Variants in FBRS observed in about 807,000 individuals in gnomAD.
FBRS encodes the protein fibrosin.
FBRS carries 15 observed loss-of-function variants against 86.1 expected under a neutral mutation model. The observed-to-expected ratio is 0.17, with a 90% CI of 0.12 to 0.27. The LOEUF (loss-of-function observed/expected upper bound fraction) is 0.27, where lower values mean the gene tolerates loss of function less well. FBRS is among the 10% of genes least tolerant of loss of function. FBRS has a pLI of 1.00. For synonymous variants in FBRS, 666 were observed against 575.8 expected, an observed-to-expected ratio of 1.16 and a Z score of -2.24; for missense variants, 1,367 against 1,301.6, an observed-to-expected ratio of 1.05 and a Z score of -0.77.
intron 4 of FBRS, among the ~76,000 whole-genome samples, 182 bp downstream of exon 4, chr16:30,661,515 C>G (rs954606888): frequency 6.6e-6 from 1 of 152,084 alleles, no homozygotes; most frequent in Non-Finnish European, 1.5e-5. Context: ...GTCATTTTTT[C>G]TTTTGGTGAC....
rs375695552 is a variant in FBRS, at chr16:30,661,541, C to T, written c.705+208C>T. Among the ~76,000 whole-genome samples the T allele has an allele frequency of 4.3e-4, 65 of 152,150 alleles. No homozygotes were observed. The East Asian group carries it at 6.8e-3, about 16-fold the overall frequency. ...TTTTGGTGACTAGGGGTTAGCTGAC[C>T]AAGGAATGGAGGGTCCATGCTTTGG... On this transcript the variant is annotated intron_variant, in intron 4 of 17. Transcript: ENST00000356166.
At position 30,664,330 on chromosome 16, in the gene FBRS, C is replaced by A; in HGVS notation, c.1171C>A (p.His391Asn). ...SASSSSAQLT[H>N]RPPTPSLPLP... is the part of the protein sequence containing the mutation. ...CTCCTCCTCGTCCGCGCAGCTCACC[C>A]ACCGGCCCCCGACGCCCTCACTGCC... The change falls in exon 7 of 18, where the codon CAC (histidine) becomes AAC (asparagine). Residue 391 changes from histidine to asparagine, a missense_variant. His to Asn is a moderately conservative substitution (Grantham distance 68). Coordinates refer to ENST00000356166, the MANE Select transcript of FBRS (RefSeq NM_001105079.3). The A allele has an allele frequency of 6.5e-7, 1 of 1,544,480 alleles. No individual in the cohort carries two copies. Among genetic ancestry groups the A allele is most frequent in the Non-Finnish European group, 8.8e-7 (1 of 1,142,812 alleles).
chr16:30,662,228 C>G, intron 4 of FBRS, 192 bp from the exon 5 acceptor site: 1 of 811,516 alleles, frequency 1.2e-6, no homozygotes, highest in Non-Finnish European at 1.9e-6. Flanking sequence ...TTCTTGGGGT[C>G]AGCTGCTCCA....
intron 13 of FBRS, 74 bp downstream of exon 13, chr16:30,667,064 A>C: frequency 1.4e-6 from 2 of 1,420,060 alleles, no homozygotes; most frequent in Non-Finnish European, 1.9e-6. Flanking sequence ...ATTGGCCCTC[A>C]ACAGAGCTCA....
rs2052508137 is a variant in FBRS, at chr16:30,665,142, G to C, written c.1608+63G>C. 6.3e-7 allele frequency: 1 copy of C among 1,584,428 alleles called. No homozygotes were observed. The highest frequency in any genetic ancestry group is 8.6e-7 in the Non-Finnish European group (1 of 1,165,884). ...TGTGGGCGTGGATGCATCCATGCTTGTGACCCTGACTGCTGGGGTCCAGTC... is the reference window on the plus strand; with the variant it reads ...TGTGGGCGTGGATGCATCCATGCTTCTGACCCTGACTGCTGGGGTCCAGTC... On this transcript the variant is annotated intron_variant, in intron 9 of 17. Transcript: ENST00000356166. The surrounding 1 kb of genome is among the most constrained non-coding windows in gnomAD (Gnocchi z 4.1).
chr16:30,665,640 C>T lies in FBRS; in HGVS notation c.1707C>T (p.Ser569=), dbSNP rs560818533. Residue 569 remains serine, a splice_region_variant and synonymous_variant, in exon 11 of 18, where the codon AGC becomes AGT. Transcript: ENST00000356166. This position sits in a 1 kb window ranked among gnomAD's most constrained non-coding sequence, Gnocchi z 4.1. ...GSLQGAFQPK[S]TNPELPPRLG... ...ATCCCTCCACTCCCCTTTCCCAGAG[C>T]ACGAACCCTGAGCTGCCACCACGAC... The T allele has an allele frequency of 6.9e-6, 11 of 1,586,798 alleles. No homozygotes were observed. The highest frequency in any genetic ancestry group is 1.8e-5 in the Admixed American group (1 of 55,626).
Position 30,669,051 on chromosome 16 carries a change from C to T in FBRS, c.2367-18C>T. The stretch of plus-strand genomic sequence containing the variant: ...TGCCCCTGGAGAACTTCATTCTCTC[C>T]CCACGCCTGCCCTCCAGGGACCTCC... On this transcript the variant is annotated intron_variant, in intron 17 of 17. Transcript: ENST00000356166. The surrounding 1 kb of genome is among the most constrained non-coding windows in gnomAD (Gnocchi z 5.9). 6.5e-7 allele frequency: 1 copy of T among 1,549,252 alleles called. No homozygotes were observed. Among genetic ancestry groups the T allele is most frequent in the Non-Finnish European group, 8.7e-7 (1 of 1,144,150 alleles).
At chr16:30,666,441 G>A in intron 11 of FBRS, 71 bp from the exon 12 acceptor site, 2 of 1,593,792 alleles carry the variant, frequency 1.3e-6, no homozygotes, top group South Asian at 1.1e-5. Flanking sequence ...AGTGGATGCT[G>A]TGGAGATGCG....
chr16:30,664,788 A>C lies in FBRS; in HGVS notation c.1431A>C (p.Ala477=). The change falls in exon 8 of 18, where the codon GCA becomes GCC. Residue 477 remains alanine, a synonymous_variant. Coordinates refer to ENST00000356166, the MANE Select transcript of FBRS (RefSeq NM_001105079.3). ...NAQGGPEVVG[A]GGSARPLAFQ... is the part of the protein sequence containing the mutation. ...AGGGTGGCCCTGAGGTGGTGGGGGC[A>C]GGGGGCTCGGCCCGGCCCCTGGCCT... 6.4e-7 allele frequency: 1 copy of C among 1,553,796 alleles called. No homozygotes were observed. Among genetic ancestry groups the C allele is most frequent in the East Asian group, 2.4e-5 (1 of 40,956 alleles).
At position 30,669,385 on chromosome 16, in the gene FBRS, C is replaced by A; in HGVS notation, c.2683C>A (p.Pro895Thr). Residue 895 changes from proline to threonine, a missense_variant, in exon 18 of 18, where the codon CCC becomes ACC. By Grantham distance (38) the Pro-to-Thr change is conservative. Around this residue, in one of 3 missense-constraint regions of FBRS, gnomAD observed 659 missense variants for 678.8 expected, o/e 0.97. Coordinates refer to ENST00000356166, the MANE Select transcript of FBRS (RefSeq NM_001105079.3). The surrounding 1 kb of genome is among the most constrained non-coding windows in gnomAD (Gnocchi z 5.9). Reference sequence around the variant, plus strand: ...AGCACCCCCACGCCTGGCAAGGCCACCCCGCTTCTATGAGGCGGGTGAGGA... The same window carrying A: ...AGCACCCCCACGCCTGGCAAGGCCAACCCGCTTCTATGAGGCGGGTGAGGA... ...LAAPPRLARP[P>T]RFYEAGEELT... The A allele has an allele frequency of 6.2e-7, 1 of 1,612,804 alleles. No individual in the cohort carries two copies. The highest frequency in any genetic ancestry group is 8.5e-7 in the Non-Finnish European group (1 of 1,179,768).
chr16:30,659,867 G>A lies in FBRS; in HGVS notation c.349G>A (p.Gly117Ser), dbSNP rs2052435099. 6.5e-7 allele frequency: 1 copy of A among 1,543,112 alleles called. No individual in the cohort carries two copies. The highest frequency in any genetic ancestry group is 2.5e-5 in the East Asian group (1 of 40,756). The change falls in exon 1 of 18, where the codon GGC (glycine) becomes AGC (serine). Residue 117 changes from glycine to serine, a missense_variant. Gly to Ser is a moderately conservative substitution (Grantham distance 56). Transcript: ENST00000356166. ...EEEEEEEEEG[G>S]ADDGEAEEEP... ...AGAGGAGGAGGAGGAGGAGGAGGGG[G>A]GCGCAGACGACGGCGAAGCCGAGGA...
chr16:30,664,981 G>C, intron 8 of FBRS, 54 bp from the exon 9 acceptor site: 1 of 1,609,196 alleles, frequency 6.2e-7, no homozygotes, highest in Non-Finnish European at 8.5e-7. Flanking sequence ...CATGGCTTCT[G>C]GGGGAAGGCC....
At chr16:30,668,203 G>A (rs9925748) in intron 15 of FBRS, 57 of 276,996 alleles carry the variant, frequency 2.1e-4, no homozygotes, top group East Asian at 9.3e-4. Context: ...GGGTCCAGGC[G>A]GCTGGTGTTG....
intron 6 of FBRS, among the ~76,000 whole-genome samples, chr16:30,663,738 GTTA>G (rs1234664345): frequency 1.3e-5 from 2 of 152,160 alleles, no homozygotes; most frequent in Non-Finnish European, 2.9e-5. Flanking sequence ...CATTGTCATT[GTTA>G]TTATTGAGAA....
Position 30,660,372 on chromosome 16 carries a change from C to G in FBRS, c.569C>G (p.Ser190Cys). ...SGATGEPGDS[S>C]DREPGRPPGD... ...GCCACCGGGGAGCCAGGGGACAGCTCTGATCGAGAGCCTGGCCGGCCCCCT... is the reference window on the plus strand; with the variant it reads ...GCCACCGGGGAGCCAGGGGACAGCTGTGATCGAGAGCCTGGCCGGCCCCCT... The change falls in exon 2 of 18, where the codon TCT becomes TGT. Residue 190 changes from serine to cysteine, a missense_variant. Around this residue, in one of 3 missense-constraint regions of FBRS, gnomAD observed 702 missense variants for 598.7 expected, o/e 1.17. Coordinates refer to ENST00000356166, the MANE Select transcript of FBRS (RefSeq NM_001105079.3). 1 of 1,272,586 alleles carries G rather than the reference C, an allele frequency of 7.9e-7. No individual in the cohort carries two copies. The highest frequency in any genetic ancestry group is 1.0e-6 in the Non-Finnish European group (1 of 999,910). The allele number at this position is 1,272,586 out of a possible 1,614,324, so 78.8% of individuals were successfully genotyped here. A position where few individuals can be genotyped will look rare whatever the true frequency, so the allele number is the denominator to read the frequency against.
chr16:30,661,114 G>A (rs2052454814), intron 2 of FBRS, 66 bp from the exon 3 acceptor site: 1 of 1,548,812 alleles, frequency 6.5e-7, no homozygotes, highest in African/African-American at 1.4e-5. Flanking sequence ...GCCCTGCTGG[G>A]AGCTGCGACT....
In FBRS at chr16:30,664,749, C is replaced by T; in HGVS notation, c.1392C>T (p.Arg464=). The T allele has an allele frequency of 6.5e-7, 1 of 1,550,252 alleles. No homozygotes were observed. Among genetic ancestry groups the T allele is most frequent in the East Asian group, 2.4e-5 (1 of 40,918 alleles). ...TGATCGGCCAGGACCTGAACTCTCG[C>T]TACCTGAATGCCCAGGGTGGCCCTG... is the stretch of plus-strand genomic sequence containing the variant. ...QDLIGQDLNS[R]YLNAQGGPEV... The change falls in exon 8 of 18, where the codon CGC becomes CGT. Residue 464 remains arginine (R), a synonymous_variant. Transcript: ENST00000356166.
Position 30,665,021 on chromosome 16 carries a change from C to T in FBRS, c.1564-14C>T, listed in dbSNP as rs781722467. 6 of 1,613,282 alleles carry T rather than the reference C, an allele frequency of 3.7e-6. No individual in the cohort carries two copies. Among genetic ancestry groups the T allele is most frequent in the Non-Finnish European group, 3.4e-6 (4 of 1,179,564 alleles). On this transcript the variant is annotated splice_polypyrimidine_tract_variant and intron_variant, in intron 8 of 17. Transcript: ENST00000356166. This position sits in a 1 kb window ranked among gnomAD's most constrained non-coding sequence, Gnocchi z 4.1. ...TCCCTGGCTGGCAGCTTACTCTTCC[C>T]TTCTCTTCCCTAGTTTGAGAAATAT...
chr16:30,668,987 T>TGGCC lies in FBRS; in HGVS notation c.2366+8_2366+9insGGCC. ...CAAGGAGGAGAAGGACAGGTGTGCC[T>TGGCC]CCCACCCACCCTGCCCCTGCCCCAC... On this transcript the variant is annotated intron_variant, in intron 17 of 17. Transcript: ENST00000356166. 19 of 1,480,806 alleles carry TGGCC rather than the reference T, an allele frequency of 1.3e-5. No homozygotes were observed. The highest frequency in any genetic ancestry group is 1.7e-5 in the Non-Finnish European group (18 of 1,088,688). 91.7% of individuals were successfully genotyped at this position (1,480,806 alleles called of 1,614,324 possible). A position where few individuals can be genotyped will look rare whatever the true frequency, so the allele number is the denominator to read the frequency against.
Sources: allele counts gnomAD v4.1 joint callset (sites outside exome capture counted in the v4.1 genomes callset), GRCh38; gene constraint gnomAD v4.1.1; regional missense constraint gnomAD v4.1.1; non-coding constraint Gnocchi (gnomAD v3.1); transcripts MANE v1.5; gene names NCBI Gene and HGNC (gene_info 2026-07-23, HGNC 2026-07-21).